KMT2C: variants seen among roughly 807,000 people sequenced by gnomAD.
The protein encoded by KMT2C is lysine methyltransferase 2C, also known as histone-lysine N-methyltransferase 2C.
In KMT2C, 88 loss-of-function variants were observed where a neutral mutation model predicts 507.9. The observed-to-expected ratio is 0.17, with a 90% confidence interval of 0.15 to 0.21. The LOEUF is 0.21. Ranked by LOEUF, KMT2C falls within the 10% of genes least tolerant of loss-of-function variation. KMT2C has a pLI of 1.00. For synonymous variants in KMT2C, 2,049 were observed against 2,080.8 expected, an observed-to-expected ratio of 0.98 and a Z score of 0.42; for missense variants, 4,954 against 5,957.8, an observed-to-expected ratio of 0.83 and a Z score of 5.55.
intron 2 of KMT2C, among the ~76,000 whole-genome samples, chr7:152,341,301 T>C (rs2096989072): frequency 6.6e-6 from 1 of 152,204 alleles, no homozygotes; most frequent in South Asian, 2.1e-4. Flanking sequence ...AGCCACTGTG[T>C]TCTGAAATGA....
chr7:152,254,463 G>A (rs1027073452), intron 9 of KMT2C, among the ~76,000 whole-genome samples: 4 of 152,044 alleles, frequency 2.6e-5, no homozygotes. Context: ...AAATTAAAAG[G>A]TCTGAGGAGA....
chr7:152,222,725 A>C (rs1230660930), intron 20 of KMT2C, 43 bp from the exon 21 acceptor site: 12 of 1,128,076 alleles, frequency 1.1e-5, no homozygotes, highest in Non-Finnish European at 1.3e-5. Flanking sequence ...AAAATGGAAT[A>C]TACTGAGAAC....
rs757735325 is a variant in KMT2C, at chr7:152,183,037, C to T, written c.5202G>A (p.Glu1734=). 6 of 1,611,102 alleles carry T rather than the reference C, an allele frequency of 3.7e-6. No homozygotes were observed. Among genetic ancestry groups the T allele is most frequent in the South Asian group, 3.3e-5 (3 of 90,180 alleles). The change falls in exon 35 of 59, where the codon GAG becomes GAA. Residue 1734 remains glutamate (E), a synonymous_variant. Transcript: ENST00000262189. ...TTTGCTTTAAAGGATCTTTAAAAAG[C>T]TCCGAATCAATACGAGAGCTGGGAT... ...SIDPSSRIDS[E]LFKDPLKQRE...
At chr7:152,212,196 A>G (rs1223578772) in intron 23 of KMT2C, among the ~76,000 whole-genome samples, 4 of 152,226 alleles carry the variant, frequency 2.6e-5, no homozygotes, top group African/African-American at 4.8e-5. Flanking sequence ...CTGGAAAGCT[A>G]TAAGAAAACA....
At chr7:152,417,078 T>C (rs1234030424) in intron 1 of KMT2C, among the ~76,000 whole-genome samples, 1 of 151,262 alleles carries the variant, frequency 6.6e-6, no homozygotes, top group Non-Finnish European at 1.5e-5. Flanking sequence ...AGAGTTTATA[T>C]TTATCTCAAA....
At chr7:152,423,669 G>A (rs2097792701) in intron 1 of KMT2C, among the ~76,000 whole-genome samples, 1 of 152,130 alleles carries the variant, frequency 6.6e-6, no homozygotes, top group African/African-American at 2.4e-5. Context: ...ATTTTGAAGT[G>A]AAACAGAAAT....
rs542993543 is a variant in KMT2C, at chr7:152,418,229, C to T, written c.161+17397G>A. Among the ~76,000 whole-genome samples, 5 of 152,122 alleles carry T rather than the reference C, an allele frequency of 3.3e-5. No individual in the cohort carries two copies. The East Asian group carries it at 9.8e-4, about 30-fold the overall frequency. On this transcript the variant is annotated intron_variant, in intron 1 of 58. Transcript: ENST00000262189. ...TGCTGGGATTACAGGCGTGAGCCAC[C>T]ATGCCCGGCCAAATGCTTATTTTTT...
chr7:152,341,968 T>C (rs2096998820), intron 2 of KMT2C, among the ~76,000 whole-genome samples: 3 of 152,234 alleles, frequency 2.0e-5, no homozygotes. Flanking sequence ...GTAGGGTTTA[T>C]ACAAAGCTGT....
chr7:152,153,972 C>T, intron 48 of KMT2C, 38 bp downstream of exon 48: 4 of 1,602,452 alleles, frequency 2.5e-6, no homozygotes, highest in Non-Finnish European at 3.4e-6. Context: ...AAATTGGGGA[C>T]ATACTGTTTA....
chr7:152,363,066 A>G (rs2097209680), intron 1 of KMT2C, among the ~76,000 whole-genome samples: 1 of 152,234 alleles, frequency 6.6e-6, no homozygotes, highest in African/African-American at 2.4e-5. Context: ...GAATGCAAAG[A>G]TAATGGTCAT....
chr7:152,156,533 G>A (rs925515697), intron 44 of KMT2C, among the ~76,000 whole-genome samples, 187 bp from the exon 45 acceptor site: 11 of 152,112 alleles, frequency 7.2e-5, no homozygotes, highest in South Asian at 2.1e-4. Context: ...ACAGATACTC[G>A]TGATTTTATG....
At chr7:152,187,161 C>G (rs528963908) in intron 33 of KMT2C, 101 bp downstream of exon 33, 1 of 892,884 alleles carries the variant, frequency 1.1e-6, no homozygotes, top group African/African-American at 1.7e-5. Context: ...TCATCATAGA[C>G]AAAAATTAGT....
At chr7:152,416,826 C>T (rs556852658) in intron 1 of KMT2C, among the ~76,000 whole-genome samples, 186 of 150,792 alleles carry the variant, frequency 1.2e-3, no homozygotes, top group Non-Finnish European at 1.4e-3. Context: ...CTAAAGCAGG[C>T]AGGTCACTTG....
intron 52 of KMT2C, among the ~76,000 whole-genome samples, chr7:152,147,724 A>AAAAAAAAAAAAAAAAAAAAAAG (rs2091271006): frequency 7.7e-6 from 1 of 130,534 alleles, no homozygotes; most frequent in African/African-American, 3.2e-5. Flanking sequence ...AAAAAAAAAA[A>AAAAAAAAAAAAAAAAAAAAAAG]AAAAGAAAAA....
At chr7:152,217,110 T>C (rs2094603687) in intron 23 of KMT2C, among the ~76,000 whole-genome samples, 1 of 152,214 alleles carries the variant, frequency 6.6e-6, no homozygotes, top group Non-Finnish European at 1.5e-5. Context: ...TACTGAGACA[T>C]TATCAAAACA....
chr7:152,349,093 A>C (rs981814310), intron 2 of KMT2C, among the ~76,000 whole-genome samples: 11 of 152,200 alleles, frequency 7.2e-5, no homozygotes, highest in African/African-American at 2.7e-4. Context: ...ACTCTGGTCC[A>C]TCCAAACAAT....
rs199912380 is a variant in KMT2C, at chr7:152,278,035, G to A, written c.850-4168C>T. ...TGAAATACTTTGGATATTTGTCCCCGCCAAAATTTCATGTTGAAATGTAAT... is the reference window on the plus strand; with the variant it reads ...TGAAATACTTTGGATATTTGTCCCCACCAAAATTTCATGTTGAAATGTAAT... On this transcript the variant is annotated intron_variant, in intron 6 of 58. Transcript: ENST00000262189. 7.3e-5 allele frequency among the ~76,000 whole-genome samples: 11 copies of A among 151,438 alleles called. No homozygotes were observed. In the East Asian group the frequency reaches 7.8e-4, roughly 11 times the overall value.
chr7:152,160,799 T>A (rs2092409032), intron 43 of KMT2C, among the ~76,000 whole-genome samples: 1 of 151,912 alleles, frequency 6.6e-6, no homozygotes, highest in African/African-American at 2.4e-5. Flanking sequence ...CAAATTTTAA[T>A]ATAAACATGC....
intron 11 of KMT2C, 122 bp downstream of exon 11, chr7:152,251,817 G>A (rs149073347): frequency 5.2e-6 from 3 of 577,158 alleles, no homozygotes; most frequent in African/African-American, 1.9e-5. Flanking sequence ...TTGAGAAACT[G>A]AGAACAAGAT....
Sources: allele counts gnomAD v4.1 joint callset (sites outside exome capture counted in the v4.1 genomes callset), GRCh38; gene constraint gnomAD v4.1.1; transcripts MANE v1.5; gene names NCBI Gene and HGNC (gene_info 2026-07-23, HGNC 2026-07-21).